Variants in DDAH1 observed in about 807,000 individuals in gnomAD.
DDAH1 encodes the protein dimethylarginine dimethylaminohydrolase 1.
Under a neutral mutation model 28.8 loss-of-function variants are expected in DDAH1, and 19 were observed. The ratio of observed to expected loss-of-function variants is 0.66; its 90% CI spans 0.46 to 0.97. The LOEUF is 0.97. Ranked by LOEUF, DDAH1 falls within the 50% of genes least tolerant of loss-of-function variation. The pLI, the probability that DDAH1 is intolerant of heterozygous loss-of-function variation, is 0.00. For synonymous variants in DDAH1, 153 were observed against 154.4 expected (o/e 0.99, Z 0.07); for missense variants, 326 against 375.9 (o/e 0.87, Z 1.10).
intron 1 of DDAH1, among the ~76,000 whole-genome samples, chr1:85,417,554 C>T (rs1652939073): frequency 6.6e-6 from 1 of 152,182 alleles, no homozygotes; most frequent in Admixed American, 6.5e-5. Flanking sequence ...TTTAAGCAAA[C>T]AGGATCCCTT....
intron 1 of DDAH1, among the ~76,000 whole-genome samples, chr1:85,545,185 C>A (rs572792420): frequency 4.6e-5 from 7 of 152,222 alleles, no homozygotes; most frequent in African/African-American, 1.7e-4. Flanking sequence ...AGAAAATGAG[C>A]CTTTCTAAGG....
At chr1:85,384,083 AAGGCAAGG>A (rs1324033227) in intron 1 of DDAH1, among the ~76,000 whole-genome samples, 1 of 152,176 alleles carries the variant, frequency 6.6e-6, no homozygotes, top group Non-Finnish European at 1.5e-5. Flanking sequence ...CCTCACTGCT[AAGGCAAGG>A]CTCTTCTGAG....
chr1:85,456,796 G>A (rs1654900871), intron 1 of DDAH1, among the ~76,000 whole-genome samples: 1 of 152,136 alleles, frequency 6.6e-6, no homozygotes, highest in Admixed American at 6.5e-5. Context: ...AACAAATTAT[G>A]GGTCAAGGGG....
chr1:85,498,745 C>T (rs569442329), intron 1 of DDAH1, among the ~76,000 whole-genome samples: 5 of 152,094 alleles, frequency 3.3e-5, no homozygotes, highest in African/African-American at 9.6e-5. Flanking sequence ...GTGGTGAAAC[C>T]CTGTCTCTAC....
At position 85,507,560 on chromosome 1, in the gene DDAH1, A is replaced by T. The variant is rs533414115; in HGVS notation, c.-122-11279T>A. Among the ~76,000 whole-genome samples the T allele has an allele frequency of 8.6e-5, 13 of 151,214 alleles. No individual in the cohort carries two copies. In the South Asian group the frequency reaches 2.5e-3, roughly 29 times the overall value. On this transcript the variant is annotated intron_variant, in intron 1 of 6. Coordinates refer to the DDAH1 transcript ENST00000426972. Reference sequence around the variant, plus strand: ...CAAACAGCATCTCCTAAAAATAAGAATTTTCTTATACATAATTGCAATGTC... The same window carrying T: ...CAAACAGCATCTCCTAAAAATAAGATTTTTCTTATACATAATTGCAATGTC...
intron 1 of DDAH1, among the ~76,000 whole-genome samples, chr1:85,383,770 C>T (rs1160491614): frequency 6.6e-6 from 1 of 152,156 alleles, no homozygotes; most frequent in Non-Finnish European, 1.5e-5. Flanking sequence ...ACGAGACCCT[C>T]CCCAAGAAAA....
chr1:85,327,825 C>T (rs1300652851), intron 4 of DDAH1, among the ~76,000 whole-genome samples: 4 of 152,226 alleles, frequency 2.6e-5, no homozygotes, highest in Non-Finnish European at 5.9e-5. Flanking sequence ...GCACAAGCTT[C>T]TAGCAGATAT....
At chr1:85,345,516 C>T (rs565476852) in intron 4 of DDAH1, among the ~76,000 whole-genome samples, 1 of 152,192 alleles carries the variant, frequency 6.6e-6, no homozygotes, top group African/African-American at 2.4e-5. Flanking sequence ...GTACCTTTGC[C>T]ATATGGATGG....
intron 1 of DDAH1, among the ~76,000 whole-genome samples, chr1:85,532,037 A>C (rs1424447968): frequency 6.6e-6 from 1 of 151,696 alleles, no homozygotes; most frequent in Non-Finnish European, 1.5e-5. Context: ...ACAGCTAACA[A>C]TTTTGGAGAA....
At chr1:85,395,301 A>C (rs545007168) in intron 1 of DDAH1, among the ~76,000 whole-genome samples, 1 of 152,184 alleles carries the variant, frequency 6.6e-6, no homozygotes, top group African/African-American at 2.4e-5. Context: ...TTGAATGACA[A>C]TTCTGTGTGG....
chr1:85,465,652 G>A (rs976666972), upstream of DDAH1, among the ~76,000 whole-genome samples: 2 of 152,174 alleles, frequency 1.3e-5, no homozygotes, highest in Admixed American at 6.5e-5. Context: ...CTTACCTAAA[G>A]TACAAGTTTT....
At chr1:85,448,054 C>T (rs903014322) in intron 1 of DDAH1, 2 of 152,290 alleles carry the variant, frequency 1.3e-5, no homozygotes, top group Non-Finnish European at 2.9e-5. Flanking sequence ...AACCCATGGC[C>T]CATGGGCCAC....
chr1:85,554,187 T>C (rs1459648961), intron 1 of DDAH1, among the ~76,000 whole-genome samples: 1 of 152,048 alleles, frequency 6.6e-6, no homozygotes, highest in East Asian at 1.9e-4. Flanking sequence ...TCTCTCACAG[T>C]GATTTAGATC....
chr1:85,500,462 T>C (rs996170280), intron 1 of DDAH1, among the ~76,000 whole-genome samples: 10 of 152,100 alleles, frequency 6.6e-5, no homozygotes, highest in African/African-American at 2.4e-4. Context: ...GCAGAATGAG[T>C]CTTTTCCTCA....
At chr1:85,481,410 T>C (rs896925740) in intron 2 of DDAH1, among the ~76,000 whole-genome samples, 1 of 152,212 alleles carries the variant, frequency 6.6e-6, no homozygotes, top group Non-Finnish European at 1.5e-5. Flanking sequence ...AGACAATTTC[T>C]CTCTGTAAGA....
At chr1:85,348,152 C>T (rs564270014) in intron 4 of DDAH1, among the ~76,000 whole-genome samples, 2 of 152,236 alleles carry the variant, frequency 1.3e-5, no homozygotes, top group South Asian at 4.1e-4. Context: ...CTCGAATGAA[C>T]TCTACAGGGA....
At position 85,395,195 on chromosome 1, in the gene DDAH1, C is replaced by A. The variant is rs1410255734; in HGVS notation, c.304-36348G>T. 2.8e-4 allele frequency among the ~76,000 whole-genome samples: 42 copies of A among 151,838 alleles called. 1 individual carries two copies. The highest frequency in any genetic ancestry group is 2.8e-3 in the Admixed American group (42 of 15,258). On this transcript the variant is annotated intron_variant, in intron 1 of 5. Coordinates refer to ENST00000284031, the MANE Select transcript of DDAH1 (RefSeq NM_012137.4). ...ATTTATGGAGAAAATGGAAACAAGG[C>A]AGGAAGGAACTATTAAGTAGGAAAA... is the stretch of plus-strand genomic sequence containing the variant.
intron 1 of DDAH1, among the ~76,000 whole-genome samples, chr1:85,458,156 C>A (rs777806046): frequency 6.6e-6 from 1 of 152,168 alleles, no homozygotes; most frequent in African/African-American, 2.4e-5. Context: ...TAAACTAAGT[C>A]GGGTTCTTGT....
upstream of DDAH1, among the ~76,000 whole-genome samples, chr1:85,466,400 G>A (rs1272624510): frequency 6.6e-5 from 10 of 152,104 alleles, no homozygotes; most frequent in African/African-American, 2.2e-4. Flanking sequence ...ACAGGTGCAC[G>A]CCACCACTCG....
Sources: allele counts gnomAD v4.1 joint callset (sites outside exome capture counted in the v4.1 genomes callset), GRCh38; gene constraint gnomAD v4.1.1; transcripts MANE v1.5; gene names NCBI Gene and HGNC (gene_info 2026-07-23, HGNC 2026-07-21).